Variants in ZNF33A observed in about 807,000 individuals in gnomAD.
ZNF33A encodes zinc finger protein 33A.
A neutral mutation model predicts 15.9 loss-of-function variants in ZNF33A; 9 were observed. The observed-to-expected ratio is 0.57, with a 90% CI of 0.34 to 0.99. The LOEUF (loss-of-function observed/expected upper bound fraction) is 0.99. Ranked by LOEUF, ZNF33A falls within the 50% of genes least tolerant of loss-of-function variation. The pLI is 0.02. For synonymous variants in ZNF33A, 294 were observed against 324.2 expected, an observed-to-expected ratio of 0.91 and a Z score of 1.00; for missense variants, 843 against 941.6, an observed-to-expected ratio of 0.90 and a Z score of 1.37.
intron 4 of ZNF33A, among the ~76,000 whole-genome samples, chr10:38,024,357 A>G (rs2064893050): frequency 6.6e-6 from 1 of 152,166 alleles, no homozygotes; most frequent in Non-Finnish European, 1.5e-5. Flanking sequence ...ATTGAACAAA[A>G]TATGTATAGG....
intron 4 of ZNF33A, among the ~76,000 whole-genome samples, chr10:38,032,486 A>G (rs932486926): frequency 3.0e-4 from 45 of 152,216 alleles, no homozygotes; most frequent in African/African-American, 1.0e-3. Flanking sequence ...TCTGTTGCCC[A>G]CGCTGGAGTG....
chr10:38,055,503 A>G lies in ZNF33A; in HGVS notation c.1379A>G (p.Gln460Arg), dbSNP rs1354166408. 11 of 1,614,142 alleles carry G rather than the reference A, an allele frequency of 6.8e-6. No homozygotes were observed. Among genetic ancestry groups the G allele is most frequent in the Non-Finnish European group, 9.3e-6 (11 of 1,180,008 alleles). ...FRVTSHLKVH[Q>R]RTHTGEKPFE... The stretch of plus-strand genomic sequence containing the variant: ...GTGACTTCGCACCTTAAAGTACACC[A>G]GAGAACTCACACAGGTGAGAAACCT... Residue 460 changes from glutamine (Q) to arginine (R), a missense_variant, in exon 5 of 5, where the codon CAG becomes CGG. Transcript: ENST00000432900.
intron 4 of ZNF33A, among the ~76,000 whole-genome samples, chr10:38,023,323 A>G (rs2064839677): frequency 1.3e-5 from 2 of 152,342 alleles, no homozygotes; most frequent in Admixed American, 1.3e-4. Flanking sequence ...TAATACAACT[A>G]CAGACATATA....
At chr10:38,060,778 C>G (rs1452135963), downstream of ZNF33A, among the ~76,000 whole-genome samples, 1 of 152,198 alleles carries the variant, frequency 6.6e-6, no homozygotes, top group Admixed American at 6.5e-5. Flanking sequence ...CATATTATGG[C>G]AAAGGCTTCT....
chr10:38,030,537 C>G (rs1306604495), intron 4 of ZNF33A, among the ~76,000 whole-genome samples: 1 of 152,076 alleles, frequency 6.6e-6, no homozygotes, highest in Non-Finnish European at 1.5e-5. Flanking sequence ...CCCTCCTACC[C>G]CCAATGTTTG....
chr10:38,054,795 G>A lies in ZNF33A; in HGVS notation c.671G>A (p.Cys224Tyr). The A allele has an allele frequency of 6.2e-7, 1 of 1,613,604 alleles. No homozygotes were observed. Among genetic ancestry groups the A allele is most frequent in the East Asian group, 2.2e-5 (1 of 44,846 alleles). ...GAGCACAATTTTGAATACAGTATAT[G>A]TCAGGAAACCCTCCTTGAAAAGGCA... ...TLEHNFEYSI[C>Y]QETLLEKAVF... The change falls in exon 5 of 5, where the codon TGT becomes TAT. Residue 224 changes from cysteine to tyrosine, a missense_variant. By Grantham distance (194) the Cys-to-Tyr change is radical (BLOSUM62 -2). Transcript: ENST00000432900.
intron 4 of ZNF33A, among the ~76,000 whole-genome samples, chr10:38,050,641 G>T (rs1338800499): frequency 1.3e-5 from 2 of 152,182 alleles, no homozygotes; most frequent in African/African-American, 2.4e-5. Flanking sequence ...GGTAGCCAGG[G>T]CCATGACCTT....
intron 4 of ZNF33A, among the ~76,000 whole-genome samples, chr10:38,044,628 A>G (rs116286560): frequency 0.01 from 1,587 of 152,258 alleles, 31 homozygotes; most frequent in African/African-American, 0.036. Flanking sequence ...ATGAGGCATC[A>G]TCATACTCCC....
At chr10:38,035,117 T>TC (rs2065386804) in intron 4 of ZNF33A, among the ~76,000 whole-genome samples, 1 of 121,644 alleles carries the variant, frequency 8.2e-6, no homozygotes, top group Non-Finnish European at 1.9e-5. Flanking sequence ...CTTTCTTTTT[T>TC]TTTTTTTTTT....
chr10:38,014,736 T>C (rs183116571), intron 2 of ZNF33A, among the ~76,000 whole-genome samples: 1 of 152,366 alleles, frequency 6.6e-6, no homozygotes, highest in Non-Finnish European at 1.5e-5. Context: ...TAGCGTCTAG[T>C]AGCTGGTTTA....
At chr10:38,033,856 G>T (rs2065325272) in intron 4 of ZNF33A, among the ~76,000 whole-genome samples, 1 of 152,006 alleles carries the variant, frequency 6.6e-6, no homozygotes, top group South Asian at 2.1e-4. Flanking sequence ...GGGATTACAG[G>T]TGCCCACCAC....
intron 4 of ZNF33A, among the ~76,000 whole-genome samples, chr10:38,025,345 C>G (rs1250137805): frequency 2.0e-5 from 3 of 152,176 alleles, no homozygotes; most frequent in Non-Finnish European, 4.4e-5. Flanking sequence ...CATGTCTCCC[C>G]AGAATTCATA....
chr10:38,043,081 A>G (rs994773635), intron 4 of ZNF33A, among the ~76,000 whole-genome samples: 12 of 152,048 alleles, frequency 7.9e-5, no homozygotes, highest in African/African-American at 2.7e-4. Flanking sequence ...TCTTTCTTTT[A>G]TGGTTAGTGT....
At chr10:38,063,227 G>A (rs1378470483), downstream of ZNF33A, among the ~76,000 whole-genome samples, 2 of 152,086 alleles carry the variant, frequency 1.3e-5, no homozygotes, top group Admixed American at 6.6e-5. Flanking sequence ...AAAGGAGATA[G>A]CACAAATGAA....
At chr10:38,026,790 A>T (rs936908972) in intron 4 of ZNF33A, among the ~76,000 whole-genome samples, 1 of 152,194 alleles carries the variant, frequency 6.6e-6, no homozygotes, top group African/African-American at 2.4e-5. Context: ...TTGACCCAGC[A>T]TCATTTTTTT....
intron 4 of ZNF33A, among the ~76,000 whole-genome samples, chr10:38,023,240 G>A (rs1210535747): frequency 6.6e-6 from 1 of 152,076 alleles, no homozygotes; most frequent in African/African-American, 2.4e-5. Context: ...CACCGCACCC[G>A]GCCAAGAGGG....
Position 38,055,159 on chromosome 10 carries a change from T to C in ZNF33A, c.1035T>C (p.Thr345=). 6.2e-7 allele frequency: 1 copy of C among 1,614,060 alleles called. No individual in the cohort carries two copies. The highest frequency in any genetic ancestry group is 2.2e-5 in the East Asian group (1 of 44,868). ...CTTTCTGGGAGAAGTCACATCTCAC[T>C]CGACATCAGAGGGTGCACACAGGAC... is the stretch of plus-strand genomic sequence containing the variant. ...GKAFWEKSHL[T]RHQRVHTGQK... Residue 345 remains threonine, a synonymous_variant, in exon 5 of 5, where the codon ACT becomes ACC. Transcript: ENST00000432900.
chr10:38,049,087 G>A (rs2066083104), intron 4 of ZNF33A, among the ~76,000 whole-genome samples: 1 of 151,946 alleles, frequency 6.6e-6, no homozygotes, highest in African/African-American at 2.4e-5. Context: ...CCCACCATAA[G>A]GGGTTTAAAT....
At chr10:38,016,462 C>T (rs571455716) in intron 2 of ZNF33A, among the ~76,000 whole-genome samples, 4 of 152,234 alleles carry the variant, frequency 2.6e-5, no homozygotes, top group South Asian at 2.1e-4. Flanking sequence ...TTATGAAGAA[C>T]GTAATAGAGT....
Sources: gnomAD v4.1 joint callset for allele counts (sites outside exome capture counted in the v4.1 genomes callset) on GRCh38, gnomAD v4.1.1 for gene constraint, MANE v1.5 for transcripts, NCBI Gene and HGNC (gene_info 2026-07-23, HGNC 2026-07-21) for gene names.